ANKRD12: variants seen among roughly 807,000 people sequenced by gnomAD.
The protein encoded by ANKRD12 is ankyrin repeat domain-containing protein 12.
In ANKRD12, 85 loss-of-function variants were observed where a neutral mutation model predicts 183.4. That is an observed-to-expected ratio of 0.46 (90% confidence interval 0.39 to 0.56). ANKRD12 has a LOEUF of 0.56. Ranked by LOEUF, ANKRD12 falls within the 20% of genes least tolerant of loss-of-function variation. The pLI is 0.00. For synonymous variants in ANKRD12, 914 were observed against 800.2 expected (o/e 1.14, Z -2.40); for missense variants, 2,405 against 2,357.1 (o/e 1.02, Z -0.42).
intron 8 of ANKRD12, chr18:9,235,905 C>A: frequency 3.7e-6 from 1 of 267,762 alleles, no homozygotes; most frequent in South Asian, 3.9e-5. Context: ...TTATAGAAAA[C>A]TCAGGTAAGA....
At chr18:9,266,094 C>T (rs1277009090) in intron 10 of ANKRD12, among the ~76,000 whole-genome samples, 1 of 152,278 alleles carries the variant, frequency 6.6e-6, no homozygotes, top group Admixed American at 6.5e-5. Flanking sequence ...CGAACAAAGC[C>T]TCCAGGAAAT....
chr18:9,215,758 A>AT (rs1180516582), intron 6 of ANKRD12, among the ~76,000 whole-genome samples: 2 of 152,106 alleles, frequency 1.3e-5, no homozygotes, highest in African/African-American at 4.8e-5. Context: ...ACGTCACAGG[A>AT]TTTACCACAG....
intron 8 of ANKRD12, among the ~76,000 whole-genome samples, chr18:9,248,582 GT>G (rs2038102287): frequency 1.3e-5 from 2 of 152,172 alleles, no homozygotes; most frequent in African/African-American, 4.8e-5. Context: ...TATTACTTGT[GT>G]TTGCAGTTAT....
chr18:9,175,242 A>G (rs2033152777), intron 1 of ANKRD12, among the ~76,000 whole-genome samples: 1 of 152,202 alleles, frequency 6.6e-6, no homozygotes, highest in African/African-American at 2.4e-5. Flanking sequence ...TTCTGTAGAT[A>G]TTCACTTGTA....
In ANKRD12 at chr18:9,221,909, G is replaced by C; in HGVS notation, c.853G>C (p.Glu285Gln). 6.2e-7 allele frequency: 1 copy of C among 1,614,030 alleles called. No homozygotes were observed. The highest frequency in any genetic ancestry group is 1.1e-5 in the South Asian group (1 of 91,070). Residue 285 changes from glutamate to glutamine, a missense_variant, in exon 8 of 13, where the codon GAG (glutamate) becomes CAG (glutamine). By Grantham distance (29) the Glu-to-Gln change is conservative. Coordinates refer to ENST00000262126, the MANE Select transcript of ANKRD12 (RefSeq NM_015208.5). ...GNPFQANKHG[E>Q]RPVDVAETEE... ...TCCATTTCAAGCTAATAAACATGGG[G>C]AGCGTCCAGTGGATGTAGCAGAAAC...
chr18:9,238,667 GAAAACAT>G (rs2144965521), intron 8 of ANKRD12, among the ~76,000 whole-genome samples: 1 of 152,270 alleles, frequency 6.6e-6, no homozygotes, highest in South Asian at 2.1e-4. Flanking sequence ...AGAAAATGGA[GAAAACAT>G]AAAACATAAT....
At chr18:9,163,136 T>C (rs1365911088) in intron 1 of ANKRD12, among the ~76,000 whole-genome samples, 3 of 152,228 alleles carry the variant, frequency 2.0e-5, no homozygotes, top group Non-Finnish European at 1.5e-5. Flanking sequence ...TCTGGAATGG[T>C]ATTGCCTAGA....
chr18:9,211,916 C>G, intron 6 of ANKRD12, 132 bp downstream of exon 6: 1 of 771,764 alleles, frequency 1.3e-6, no homozygotes, highest in Non-Finnish European at 2.0e-6. Flanking sequence ...TATTACAAAA[C>G]TTTTGGAGTT....
At chr18:9,220,148 GT>G (rs1469126493) in intron 7 of ANKRD12, among the ~76,000 whole-genome samples, 6 of 151,906 alleles carry the variant, frequency 3.9e-5, no homozygotes, top group Non-Finnish European at 7.4e-5. Flanking sequence ...TAAATAATTT[GT>G]TACAAATTTC....
intron 9 of ANKRD12, 147 bp downstream of exon 9, chr18:9,259,078 G>A (rs918525085): frequency 6.1e-6 from 6 of 988,904 alleles, no homozygotes; most frequent in African/African-American, 3.3e-5. Context: ...AGCTAGTAAC[G>A]TTCTTGTTTC....
intron 10 of ANKRD12, among the ~76,000 whole-genome samples, chr18:9,269,755 T>G (rs1286764974): frequency 6.6e-6 from 1 of 151,914 alleles, no homozygotes; most frequent in Non-Finnish European, 1.5e-5. Context: ...GGAACAAAAG[T>G]CAAAATTGAC....
chr18:9,184,185 T>C (rs949346320), intron 2 of ANKRD12, among the ~76,000 whole-genome samples: 2 of 152,238 alleles, frequency 1.3e-5, no homozygotes, highest in African/African-American at 2.4e-5. Context: ...CAAAATGTTA[T>C]CTTTTAAAGA....
In ANKRD12 at chr18:9,279,270, A is replaced by ATG. The variant is rs1017292862; in HGVS notation, c.5908-277_5908-276dup. Reference sequence around the variant, plus strand: ...AATAATGTCACGGGCACAGTACTTAATGTAACATGCCTTTTTGAGAAATGT... The same window carrying ATG: ...AATAATGTCACGGGCACAGTACTTAATGTGTAACATGCCTTTTTGAGAAATGT... On this transcript the variant is annotated intron_variant, in intron 11 of 12. Coordinates refer to ENST00000262126, the MANE Select transcript of ANKRD12 (RefSeq NM_015208.5). Among the ~76,000 whole-genome samples the ATG allele has an allele frequency of 3.5e-4, 54 of 152,348 alleles. 1 individual carries two copies. The highest frequency in any genetic ancestry group is 1.2e-3 in the African/African-American group (50 of 41,582).
intron 10 of ANKRD12, among the ~76,000 whole-genome samples, chr18:9,264,543 AT>A: frequency 6.6e-6 from 1 of 152,200 alleles, no homozygotes; most frequent in Non-Finnish European, 1.5e-5. Context: ...CAGGTTCTTA[AT>A]TTTTTTCCTA....
chr18:9,190,722 G>A (rs764294056), intron 2 of ANKRD12, among the ~76,000 whole-genome samples: 1 of 152,104 alleles, frequency 6.6e-6, no homozygotes, highest in Non-Finnish European at 1.5e-5. Flanking sequence ...ACAACTCACC[G>A]ATGGCCCATG....
chr18:9,201,527 T>C (rs1185166065), intron 3 of ANKRD12, among the ~76,000 whole-genome samples: 1 of 152,202 alleles, frequency 6.6e-6, no homozygotes, highest in East Asian at 1.9e-4. Context: ...AAGAGTAGGG[T>C]TACAGTGTTA....
At chr18:9,243,616 C>T (rs2037783106) in intron 8 of ANKRD12, among the ~76,000 whole-genome samples, 1 of 151,986 alleles carries the variant, frequency 6.6e-6, no homozygotes, top group Non-Finnish European at 1.5e-5. Flanking sequence ...AATCAGAGAC[C>T]AAGAAAGTCC....
intron 8 of ANKRD12, among the ~76,000 whole-genome samples, chr18:9,238,364 C>T (rs2037466305): frequency 6.6e-6 from 1 of 152,180 alleles, no homozygotes; most frequent in Non-Finnish European, 1.5e-5. Flanking sequence ...TAAAATACAT[C>T]TATCTCAGAC....
chr18:9,155,914 C>T (rs755123606), intron 1 of ANKRD12, among the ~76,000 whole-genome samples: 2 of 151,876 alleles, frequency 1.3e-5, no homozygotes, highest in African/African-American at 4.8e-5. Context: ...GTGGGCGGAT[C>T]GCTTGAGGCC....
Sources: allele counts gnomAD v4.1 joint callset (sites outside exome capture counted in the v4.1 genomes callset), GRCh38; gene constraint gnomAD v4.1.1; transcripts MANE v1.5; gene names NCBI Gene and HGNC (gene_info 2026-07-23, HGNC 2026-07-21).